EYS: variants seen among roughly 807,000 people sequenced by gnomAD.
EYS encodes EGF-like photoreceptor maintenance factor, also known as protein eyes shut homolog.
In EYS, 250 loss-of-function variants were observed where a neutral mutation model predicts 282.1. The ratio of observed to expected loss-of-function variants is 0.89; its 90% CI spans 0.80 to 0.98. The LOEUF (loss-of-function observed/expected upper bound fraction) is 0.98. Among genes scored for constraint, EYS ranks in the 50% least tolerant of loss-of-function variants. The probability of loss-of-function intolerance (pLI) is 0.00; values close to 1 mark genes in which losing one functional copy is unlikely to be tolerated. For synonymous variants in EYS, 1,355 were observed against 1,282.9 expected (o/e 1.06, Z -1.20); for missense variants, 4,016 against 3,709.0 (o/e 1.08, Z -2.15).
chr6:64,583,965 T>C (rs1485049892), intron 26 of EYS, among the ~76,000 whole-genome samples: 3 of 152,142 alleles, frequency 2.0e-5, no homozygotes, highest in Non-Finnish European at 4.4e-5. Flanking sequence ...CCATGCAAGA[T>C]ATATATTATA....
chr6:64,665,048 A>G (rs1475703825), intron 22 of EYS, among the ~76,000 whole-genome samples: 2 of 152,222 alleles, frequency 1.3e-5, no homozygotes, highest in Non-Finnish European at 2.9e-5. Context: ...TTATCTTTGT[A>G]AATATACATA....
At chr6:65,564,964 G>GATAT (rs1408660152) in intron 2 of EYS, among the ~76,000 whole-genome samples, 14 of 65,128 alleles carry the variant, frequency 2.1e-4, no homozygotes, top group South Asian at 1.1e-3. Flanking sequence ...GTGGGTGAAC[G>GATAT]GCCGGGCGCG....
intron 31 of EYS, among the ~76,000 whole-genome samples, chr6:64,145,875 A>G (rs1774503725): frequency 6.6e-6 from 1 of 152,140 alleles, no homozygotes; most frequent in Non-Finnish European, 1.5e-5. Context: ...TTTATCATAA[A>G]GCTCATGTAG....
intron 40 of EYS, among the ~76,000 whole-genome samples, chr6:63,768,517 C>T (rs1328603862): frequency 6.6e-6 from 1 of 151,834 alleles, no homozygotes; most frequent in East Asian, 1.9e-4. Context: ...AAATCAAAAC[C>T]ACAATGAGAA....
Position 64,370,709 on chromosome 6 carries a change from G to C in EYS, c.6078+17981C>G, listed in dbSNP as rs117301343. 9.2e-3 allele frequency among the ~76,000 whole-genome samples: 1,402 copies of C among 152,058 alleles called. 19 individuals carry two copies. The highest frequency in any genetic ancestry group is 0.049 in the East Asian group (253 of 5,168). On this transcript the variant is annotated intron_variant, in intron 29 of 42. Transcript: ENST00000503581. Reference sequence around the variant, plus strand: ...GATTCAATTTTGGAACTTGTTATTGGTCTGTTCAGGGATTCAATCTCTTCT... The same window carrying C: ...GATTCAATTTTGGAACTTGTTATTGCTCTGTTCAGGGATTCAATCTCTTCT...
rs559528527 is a variant in EYS, at chr6:64,768,041, T to C, written c.3443+45337A>G. On this transcript the variant is annotated intron_variant, in intron 22 of 42. Transcript: ENST00000503581. The stretch of plus-strand genomic sequence containing the variant: ...GGCATTTCTTGTATGATAAATTGTA[T>C]TATTTGATGAATAAATTATCACCTG... Among the ~76,000 whole-genome samples the C allele has an allele frequency of 2.3e-4, 35 of 152,260 alleles. 2 individuals are homozygous for C. The highest frequency in any genetic ancestry group is 7.9e-4 in the African/African-American group (33 of 41,548).
chr6:64,517,750 A>T (rs1777607009), intron 26 of EYS, among the ~76,000 whole-genome samples: 1 of 151,952 alleles, frequency 6.6e-6, no homozygotes, highest in Non-Finnish European at 1.5e-5. Context: ...AATTACTTTT[A>T]CTAGTATACT....
intron 33 of EYS, among the ~76,000 whole-genome samples, chr6:64,063,777 G>A (rs1381145791): frequency 1.3e-5 from 2 of 152,138 alleles, no homozygotes; most frequent in African/African-American, 4.8e-5. Flanking sequence ...CCCAAGGCTG[G>A]AGTGCAGTGG....
chr6:64,132,484 A>G (rs1774013366), intron 31 of EYS, among the ~76,000 whole-genome samples: 1 of 151,988 alleles, frequency 6.6e-6, no homozygotes, highest in African/African-American at 2.4e-5. Context: ...TTTTCTTGCA[A>G]GAGTTCATGT....
intron 11 of EYS, among the ~76,000 whole-genome samples, chr6:65,314,651 A>G (rs1254566666): frequency 6.7e-6 from 1 of 150,260 alleles, no homozygotes; most frequent in Non-Finnish European, 1.5e-5. Context: ...CACCATTAAG[A>G]GAGTTGCAGC....
intron 22 of EYS, among the ~76,000 whole-genome samples, chr6:64,776,719 T>C (rs1314042135): frequency 6.6e-6 from 1 of 152,114 alleles, no homozygotes; most frequent in Admixed American, 6.6e-5. Flanking sequence ...ATAATGCTTT[T>C]GGTGCTTAGG....
rs531349002 is a variant in EYS at position 65,642,426 on chromosome 6, G to A, written c.-447-2534C>T. 5.3e-5 allele frequency among the ~76,000 whole-genome samples: 8 copies of A among 152,092 alleles called. 1 individual carries two copies. Among genetic ancestry groups the A allele is most frequent in the African/African-American group, 1.9e-4 (8 of 41,488 alleles). On this transcript the variant is annotated intron_variant, in intron 1 of 42. Coordinates refer to ENST00000503581, the MANE Select transcript of EYS (RefSeq NM_001142800.2). ...ATTTCTGTTTGTTTCAGTCAACGGG[G>A]GCATTACTTGTCCTCAGTCACATTC...
At chr6:64,709,554 C>T (rs1056451984) in intron 22 of EYS, among the ~76,000 whole-genome samples, 6 of 151,968 alleles carry the variant, frequency 3.9e-5, no homozygotes, top group African/African-American at 1.4e-4. Flanking sequence ...TAAGTATACC[C>T]CTGTTAGGAA....
chr6:65,254,744 T>A (rs1767415404), intron 12 of EYS, among the ~76,000 whole-genome samples: 1 of 151,870 alleles, frequency 6.6e-6, no homozygotes, highest in Non-Finnish European at 1.5e-5. Context: ...TGCGGAATAA[T>A]GTTTCTTCTA....
chr6:65,190,886 A>C (rs1562013542), intron 12 of EYS, among the ~76,000 whole-genome samples: 1 of 151,816 alleles, frequency 6.6e-6, no homozygotes, highest in East Asian at 1.9e-4. Context: ...GTTATTACTA[A>C]TACAAAAATT....
intron 28 of EYS, among the ~76,000 whole-genome samples, chr6:64,403,571 C>G (rs1458825237): frequency 2.0e-5 from 3 of 152,096 alleles, no homozygotes; most frequent in Non-Finnish European, 4.4e-5. Flanking sequence ...ATTGGCCAGG[C>G]TGGTCTCGGA....
chr6:65,625,078 G>A (rs781325164), intron 2 of EYS, among the ~76,000 whole-genome samples: 15 of 152,132 alleles, frequency 9.9e-5, no homozygotes, highest in Non-Finnish European at 1.9e-4. Context: ...TTTCAACCTA[G>A]AGGAAGGGGG....
intron 32 of EYS, among the ~76,000 whole-genome samples, chr6:64,081,257 G>C (rs1165636669): frequency 6.6e-6 from 1 of 152,088 alleles, no homozygotes; most frequent in Non-Finnish European, 1.5e-5. Flanking sequence ...GAATACTGCT[G>C]GTAATACACC....
chr6:64,821,521 T>TGA, intron 21 of EYS, 124 bp downstream of exon 21: 2 of 521,602 alleles, frequency 3.8e-6, no homozygotes, highest in Middle Eastern at 5.1e-4. Context: ...AGAGGAAAGA[T>TGA]GAGAGAACAG....
Sources: allele counts gnomAD v4.1 joint callset (sites outside exome capture counted in the v4.1 genomes callset), GRCh38; gene constraint gnomAD v4.1.1; transcripts MANE v1.5; gene names NCBI Gene and HGNC (gene_info 2026-07-23, HGNC 2026-07-21).